FOXP4: variants seen among roughly 807,000 people sequenced by gnomAD.
FOXP4 encodes the protein forkhead box protein P4.
FOXP4 carries 25 observed loss-of-function variants against 82.6 expected under a neutral mutation model. The observed-to-expected ratio is 0.30, with a 90% CI of 0.22 to 0.42. FOXP4 has a LOEUF of 0.42. FOXP4 is among the 10% of genes least tolerant of loss of function. FOXP4 has a pLI of 1.00. For missense variants in FOXP4, 785 were observed against 900.9 expected (o/e 0.87, Z 1.65); for synonymous variants, 415 against 388.2 (o/e 1.07, Z -0.81).
At chr6:41,596,506 A>G (rs1337149706) in intron 14 of FOXP4, among the ~76,000 whole-genome samples, 1 of 152,200 alleles carries the variant, frequency 6.6e-6, no homozygotes, top group African/African-American at 2.4e-5. Context: ...CCTAGGGGCC[A>G]GTCTCCAGGC....
In FOXP4 at chr6:41,590,920, G is replaced by A. The variant is rs16894825; in HGVS notation, c.1435-301G>A. On this transcript the variant is annotated intron_variant, in intron 12 of 16. Transcript: ENST00000307972. Reference sequence around the variant, plus strand: ...GACAGGACTGACTGCTTTCACCCTCGGTGCAGGGCCAGGTACTAAAGGCAT... The same window carrying A: ...GACAGGACTGACTGCTTTCACCCTCAGTGCAGGGCCAGGTACTAAAGGCAT... Among the ~76,000 whole-genome samples, 241 of 152,282 alleles carry A rather than the reference G, an allele frequency of 1.6e-3. 5 individuals are homozygous for A. In the East Asian group the frequency reaches 0.041, roughly 26 times the overall value.
At chr6:41,597,083 C>T in intron 14 of FOXP4, 93 bp from the exon 15 acceptor site, 1 of 1,371,798 alleles carries the variant, frequency 7.3e-7, no homozygotes, top group Non-Finnish European at 1.0e-6. Flanking sequence ...GGGACCCATT[C>T]CCAGCACAGG....
rs372064275 is a variant in FOXP4 at position 41,598,951 on chromosome 6, C to G, written c.*15C>G. 1 of 1,572,538 alleles carries G rather than the reference C, an allele frequency of 6.4e-7. No individual in the cohort carries two copies. On this transcript the variant is annotated 3_prime_UTR_variant, in exon 17 of 17. Transcript: ENST00000307972. ...AACTGTCCTAAGGGCCTGTAGTGACCGGCAGGGCTGGGGTGAGACCCCTCC... is the reference window on the plus strand; with the variant it reads ...AACTGTCCTAAGGGCCTGTAGTGACGGGCAGGGCTGGGGTGAGACCCCTCC...
At chr6:41,584,421 T>C (rs1224717831) in intron 3 of FOXP4, among the ~76,000 whole-genome samples, 1 of 152,246 alleles carries the variant, frequency 6.6e-6, no homozygotes, top group Non-Finnish European at 1.5e-5. Context: ...CCAGTGTCAC[T>C]ACAGCCTAAT....
At position 41,563,126 on chromosome 6, in the gene FOXP4, A is replaced by T. The variant is rs933363109; in HGVS notation, c.-16-2619A>T. The stretch of plus-strand genomic sequence containing the variant: ...AGAGCAAGCCCTTGGGAACATACAG[A>T]GAAATTCACAAATACAGGGCACCCA... On this transcript the variant is annotated intron_variant, in intron 1 of 16. Coordinates refer to ENST00000307972, the MANE Select transcript of FOXP4 (RefSeq NM_001012426.2). Among the ~76,000 whole-genome samples, 7 of 152,322 alleles carry T rather than the reference A, an allele frequency of 4.6e-5. No individual in the cohort carries two copies. The South Asian group carries it at 1.5e-3, about 32-fold the overall frequency.
intron 15 of FOXP4, among the ~76,000 whole-genome samples, 164 bp from the exon 16 acceptor site, chr6:41,597,617 C>CAA (rs1399521041): frequency 6.6e-6 from 1 of 152,146 alleles, no homozygotes; most frequent in Non-Finnish European, 1.5e-5. Flanking sequence ...GTGCTACATT[C>CAA]AAAGGCTGAG....
rs562767831 is a variant in FOXP4, at chr6:41,599,784, A to T, written c.*848A>T. 1 of 149,858 alleles carries T rather than the reference A, an allele frequency of 6.7e-6. No individual in the cohort carries two copies. Among genetic ancestry groups the T allele is most frequent in the African/African-American group, 2.5e-5 (1 of 40,418 alleles). The allele number at this position is 149,858 out of a possible 1,614,324, so 9.3% of individuals were successfully genotyped here. A position where few individuals can be genotyped will look rare whatever the true frequency, so the allele number is the denominator to read the frequency against. On this transcript the variant is annotated 3_prime_UTR_variant, in exon 17 of 17. Transcript: ENST00000307972. ...GGAGCCCAGGGGAAGGCCAGGCTGG[A>T]CCCCGGCTCCACACCCACATCCAGC...
chr6:41,556,363 G>A (rs1250759580), intron 1 of FOXP4, among the ~76,000 whole-genome samples: 9 of 144,086 alleles, frequency 6.2e-5, no homozygotes, highest in Non-Finnish European at 1.4e-4. Flanking sequence ...TCGCTCTGTT[G>A]CCCAGGCTGG....
Position 41,584,907 on chromosome 6 carries a change from G to T in FOXP4, c.423+16G>T. On this transcript the variant is annotated intron_variant, in intron 4 of 16. Transcript: ENST00000307972. ...GCTCCAGCAGGTGAGTCTGGCCCCA[G>T]GGCAGCTGGTCCCTCCTCCTCTGCC... The T allele has an allele frequency of 1.2e-6, 2 of 1,601,862 alleles. No homozygotes were observed. Among genetic ancestry groups the T allele is most frequent in the South Asian group, 1.1e-5 (1 of 89,628 alleles).
rs758240552 is a variant in FOXP4, at chr6:41,587,447, A to AC, written c.814dup (p.Leu272ProfsTer44). ...CGTTTGCCGCTCCCCCCAAGGTCTC[A>AC]CCCCCCCTCTCCCACCATACCCTGC... On this transcript the variant is annotated frameshift_variant, in exon 7 of 17. Coordinates refer to ENST00000307972, the MANE Select transcript of FOXP4 (RefSeq NM_001012426.2). LOFTEE classifies it high-confidence loss of function. The AC allele has an allele frequency of 5.2e-6, 8 of 1,549,366 alleles. No homozygotes were observed. Among genetic ancestry groups the AC allele is most frequent in the African/African-American group, 1.4e-5 (1 of 72,282 alleles).
rs1581800266 is a variant in FOXP4 at position 41,599,317 on chromosome 6, A to C, written c.*381A>C. ...CAGGCGGGGCTTAGCCACCCCTCAA[A>C]CCCAGGGCCCCCTGGCACCTGGCTC... On this transcript the variant is annotated 3_prime_UTR_variant, in exon 17 of 17. Coordinates refer to ENST00000307972, the MANE Select transcript of FOXP4 (RefSeq NM_001012426.2). 5 of 166,156 alleles carry C rather than the reference A, an allele frequency of 3.0e-5. No individual in the cohort carries two copies. The highest frequency in any genetic ancestry group is 1.8e-4 in the East Asian group (1 of 5,642). The allele number at this position is 166,156 out of a possible 1,614,324, so 10.3% of individuals were successfully genotyped here.
At chr6:41,549,095 G>A (rs1239761072) in intron 1 of FOXP4, among the ~76,000 whole-genome samples, 2 of 152,092 alleles carry the variant, frequency 1.3e-5, no homozygotes, top group African/African-American at 2.4e-5. Context: ...CAGGGTGAGC[G>A]CTGAATCTCT....
Position 41,597,897 on chromosome 6 carries a change from G to A in FOXP4, c.1842G>A (p.Pro614=), listed in dbSNP as rs1018513648. 3.1e-6 allele frequency: 5 copies of A among 1,587,652 alleles called. No homozygotes were observed. Among genetic ancestry groups the A allele is most frequent in the African/African-American group, 2.7e-5 (2 of 74,448 alleles). Residue 614 remains proline (P), a synonymous_variant, in exon 16 of 17, where the codon CCG becomes CCA. Coordinates refer to ENST00000307972, the MANE Select transcript of FOXP4 (RefSeq NM_001012426.2). ...SHDDVGAPVE[P]LPSNGSSSPP... The stretch of plus-strand genomic sequence containing the variant: ...ATGACGTGGGTGCCCCCGTGGAGCC[G>A]CTGCCCAGCAACGGCAGCAGCAGCC...
Position 41,585,493 on chromosome 6 carries a change from G to T in FOXP4, c.486G>T (p.Gln162His). 6.2e-7 allele frequency: 1 copy of T among 1,613,912 alleles called. No homozygotes were observed. The highest frequency in any genetic ancestry group is 8.5e-7 in the Non-Finnish European group (1 of 1,179,902). The change falls in exon 5 of 17, where the codon CAG (glutamine) becomes CAT (histidine). Residue 162 changes from glutamine (Q) to histidine (H), a missense_variant. Gln to His is a conservative substitution (Grantham distance 24). Coordinates refer to ENST00000307972, the MANE Select transcript of FOXP4 (RefSeq NM_001012426.2). ...QLHLQLLTQQ[Q>H]AGKPQPKEAL... ...ACCTGCAGCTCCTCACCCAGCAGCA[G>T]GCTGGGAAACCGCAGCCCAAAGAGG...
At chr6:41,562,968 C>T (rs889267993) in intron 1 of FOXP4, among the ~76,000 whole-genome samples, 3 of 152,192 alleles carry the variant, frequency 2.0e-5, no homozygotes, top group Non-Finnish European at 4.4e-5. Flanking sequence ...CGCCACTAGC[C>T]CTCAGGCTGA....
intron 5 of FOXP4, 125 bp downstream of exon 5, chr6:41,585,642 G>A (rs568575804): frequency 5.6e-5 from 48 of 851,678 alleles, no homozygotes; most frequent in Non-Finnish European, 8.4e-5. Flanking sequence ...CTGAGGAAGG[G>A]GACCAAGGAT....
intron 1 of FOXP4, among the ~76,000 whole-genome samples, chr6:41,552,264 G>A (rs879551128): frequency 8.5e-5 from 13 of 152,296 alleles, no homozygotes; most frequent in South Asian, 2.1e-4. Flanking sequence ...ATGCACATCC[G>A]CATCCTGGAA....
At chr6:41,585,646 C>T in intron 5 of FOXP4, 129 bp downstream of exon 5, 1 of 819,550 alleles carries the variant, frequency 1.2e-6, no homozygotes, top group Non-Finnish European at 1.9e-6. Flanking sequence ...GGAAGGGGAC[C>T]AAGGATCAGT....
At chr6:41,575,784 C>T (rs375976094) in intron 2 of FOXP4, among the ~76,000 whole-genome samples, 282 of 151,044 alleles carry the variant, frequency 1.9e-3, no homozygotes, top group East Asian at 3.7e-3. Context: ...TCCTGTCCCC[C>T]GGGGATCTGG....
Sources: gnomAD v4.1 joint callset for allele counts (sites outside exome capture counted in the v4.1 genomes callset) on GRCh38, gnomAD v4.1.1 for gene constraint, MANE v1.5 for transcripts, NCBI Gene and HGNC (gene_info 2026-07-23, HGNC 2026-07-21) for gene names.